XIRP2: variants seen among roughly 807,000 people sequenced by gnomAD.
XIRP2 encodes the protein xin actin binding repeat containing 2, also known as xin actin-binding repeat-containing protein 2.
In XIRP2, 236 loss-of-function variants were observed where a neutral mutation model predicts 277.0. That is an observed-to-expected ratio of 0.85 (90% CI 0.77 to 0.95). The LOEUF (loss-of-function observed/expected upper bound fraction) is 0.95. Among genes scored for constraint, XIRP2 ranks in the 40% least tolerant of loss-of-function variants. The probability of loss-of-function intolerance (pLI) is 0.00; values close to 1 mark genes in which losing one functional copy is unlikely to be tolerated. For missense variants in XIRP2, 4,640 were observed against 4,157.5 expected (o/e 1.12, Z -3.19); for synonymous variants, 1,490 against 1,416.5 (o/e 1.05, Z -1.17).
chr2:167,110,137 G>C (rs984108445), intron 2 of XIRP2, among the ~76,000 whole-genome samples: 2 of 152,082 alleles, frequency 1.3e-5, no homozygotes, highest in African/African-American at 4.8e-5. Context: ...TGTTTACTCT[G>C]TTGATAGTTT....
At position 167,105,800 on chromosome 2, in the gene XIRP2, AC is replaced by A. The variant is rs1236598744; in HGVS notation, c.409-30106del. 3.3e-5 allele frequency among the ~76,000 whole-genome samples: 5 copies of A among 151,782 alleles called. No homozygotes were observed. In the South Asian group the frequency reaches 8.3e-4, roughly 25 times the overall value. On this transcript the variant is annotated intron_variant, in intron 2 of 10. Coordinates refer to ENST00000409195, the MANE Select transcript of XIRP2 (RefSeq NM_152381.6). The stretch of plus-strand genomic sequence containing the variant: ...TACATAAGTGATCCAGTTTTTCCAC[AC>A]CCTTGGAGCATTTATTATTGTTACC...
At chr2:167,126,968 T>C (rs1033094724) in intron 2 of XIRP2, among the ~76,000 whole-genome samples, 35 of 152,328 alleles carry the variant, frequency 2.3e-4, no homozygotes, top group Non-Finnish European at 4.4e-4. Flanking sequence ...GCTGTTATTA[T>C]TATTACTATT....
At chr2:167,017,304 G>T (rs542371043) in intron 2 of XIRP2, among the ~76,000 whole-genome samples, 2 of 152,024 alleles carry the variant, frequency 1.3e-5, no homozygotes, top group Admixed American at 1.3e-4. Flanking sequence ...AAGTCTTGGT[G>T]ATTTATGTGG....
chr2:167,050,992 A>C (rs1411867898), intron 2 of XIRP2, among the ~76,000 whole-genome samples: 1 of 152,006 alleles, frequency 6.6e-6, no homozygotes, highest in Non-Finnish European at 1.5e-5. Flanking sequence ...CTAAATTCTC[A>C]AAATTGCTCT....
At chr2:167,237,878 A>G (rs1694949140) in intron 5 of XIRP2, among the ~76,000 whole-genome samples, 1 of 152,240 alleles carries the variant, frequency 6.6e-6, no homozygotes, top group South Asian at 2.1e-4. Flanking sequence ...TCACAGAGGT[A>G]AAGAGCTGTC....
chr2:167,247,074 T>A lies in XIRP2; in HGVS notation c.5682T>A (p.Asp1894Glu). ...ESKQPDAIPG[D>E]IEKAIECLEK... is the part of the protein sequence containing the mutation. ...AACAGCCTGATGCCATCCCTGGTGA[T>A]ATTGAAAAAGCTATTGAATGCCTTG... The change falls in exon 9 of 11, where the codon GAT becomes GAA. Residue 1894 changes from aspartate (D) to glutamate (E), a missense_variant. Coordinates refer to ENST00000409195, the MANE Select transcript of XIRP2 (RefSeq NM_152381.6). 1 of 1,612,314 alleles carries A rather than the reference T, an allele frequency of 6.2e-7. No homozygotes were observed. The highest frequency in any genetic ancestry group is 1.1e-5 in the South Asian group (1 of 90,698).
chr2:167,234,695 TAA>T (rs1226602382), intron 5 of XIRP2, among the ~76,000 whole-genome samples: 2 of 151,836 alleles, frequency 1.3e-5, no homozygotes, highest in Non-Finnish European at 3.0e-5. Flanking sequence ...TTGAATTAAG[TAA>T]AACTGGAGCC....
chr2:166,932,724 G>A (rs79289064), intron 2 of XIRP2, among the ~76,000 whole-genome samples: 1 of 152,132 alleles, frequency 6.6e-6, no homozygotes, highest in Non-Finnish European at 1.5e-5. Context: ...CTGGTGTGAG[G>A]TAGGGATCCA....
At chr2:166,915,125 G>A (rs75219649) in intron 2 of XIRP2, among the ~76,000 whole-genome samples, 65 of 151,224 alleles carry the variant, frequency 4.3e-4, no homozygotes, top group African/African-American at 1.5e-3. Flanking sequence ...ATGCAACCAC[G>A]TCTAGACTAA....
In XIRP2 at chr2:167,146,264, C is replaced by G. The variant is rs563030941; in HGVS notation, c.562+10202C>G. On this transcript the variant is annotated intron_variant, in intron 3 of 10. Coordinates refer to ENST00000409195, the MANE Select transcript of XIRP2 (RefSeq NM_152381.6). ...CCTGTAATCCCAGCATTTTGGGAGGCTGAGGCAGGTGGATCACTTGAGGTC... is the reference window on the plus strand; with the variant it reads ...CCTGTAATCCCAGCATTTTGGGAGGGTGAGGCAGGTGGATCACTTGAGGTC... Among the ~76,000 whole-genome samples the G allele has an allele frequency of 3.3e-5, 5 of 151,980 alleles. 1 individual carries two copies. In the East Asian group the frequency reaches 7.8e-4, roughly 24 times the overall value.
intron 2 of XIRP2, among the ~76,000 whole-genome samples, chr2:166,917,810 T>C (rs1301317349): frequency 6.6e-6 from 1 of 152,130 alleles, no homozygotes; most frequent in African/African-American, 2.4e-5. Flanking sequence ...AGGAGCCCGA[T>C]TCTTTTACCC....
intron 2 of XIRP2, among the ~76,000 whole-genome samples, chr2:167,016,013 T>C (rs996968806): frequency 2.0e-5 from 3 of 151,846 alleles, no homozygotes; most frequent in African/African-American, 7.3e-5. Context: ...TTCCCCATGT[T>C]CACAAATTCA....
intron 3 of XIRP2, among the ~76,000 whole-genome samples, chr2:167,155,244 T>C (rs1692151127): frequency 6.6e-6 from 1 of 151,778 alleles, no homozygotes; most frequent in African/African-American, 2.4e-5. Context: ...TAACTCATTT[T>C]ATGAGGCCAG....
At chr2:167,181,469 G>C in intron 3 of XIRP2, among the ~76,000 whole-genome samples, 1 of 151,894 alleles carries the variant, frequency 6.6e-6, no homozygotes, top group Non-Finnish European at 1.5e-5. Context: ...TCAAATTCTT[G>C]TTTTTCTTCA....
chr2:167,162,985 ATGT>A (rs1368035056), intron 3 of XIRP2, among the ~76,000 whole-genome samples: 1 of 152,174 alleles, frequency 6.6e-6, no homozygotes, highest in Non-Finnish European at 1.5e-5. Context: ...ATGTTGATAA[ATGT>A]TGTTTATATC....
At chr2:166,898,865 G>A (rs1237979223) in intron 1 of XIRP2, among the ~76,000 whole-genome samples, 1 of 152,050 alleles carries the variant, frequency 6.6e-6, no homozygotes, top group East Asian at 1.9e-4. Flanking sequence ...TATTGAAACG[G>A]TACTTTTATC....
At chr2:167,133,425 A>G (rs557366772) in intron 2 of XIRP2, among the ~76,000 whole-genome samples, 55 of 152,272 alleles carry the variant, frequency 3.6e-4, no homozygotes, top group African/African-American at 1.2e-3. Context: ...AGTCCACTAC[A>G]TTCACATGTA....
In XIRP2 at chr2:167,112,306, C is replaced by T. The variant is rs550368211; in HGVS notation, c.409-23603C>T. On this transcript the variant is annotated intron_variant, in intron 2 of 10. Coordinates refer to ENST00000409195, the MANE Select transcript of XIRP2 (RefSeq NM_152381.6). ...TTAATGTGGGCATTAGTGTTATAAA[C>T]TTCCCTCTTAACACTTTCTTAGTTG... Among the ~76,000 whole-genome samples, 3 of 151,956 alleles carry T rather than the reference C, an allele frequency of 2.0e-5. 1 individual carries two copies. Among genetic ancestry groups the T allele is most frequent in the African/African-American group, 7.2e-5 (3 of 41,508 alleles).
At chr2:167,109,933 A>G (rs988464202) in intron 2 of XIRP2, among the ~76,000 whole-genome samples, 1 of 151,784 alleles carries the variant, frequency 6.6e-6, no homozygotes, top group Non-Finnish European at 1.5e-5. Flanking sequence ...AGTGATGTTG[A>G]GCTTTTTTTC....
Sources: allele counts gnomAD v4.1 joint callset (sites outside exome capture counted in the v4.1 genomes callset), GRCh38; gene constraint gnomAD v4.1.1; transcripts MANE v1.5; gene names NCBI Gene and HGNC (gene_info 2026-07-23, HGNC 2026-07-21).